NFIA: variants seen among roughly 807,000 people sequenced by gnomAD.
The protein encoded by NFIA is nuclear factor 1 A-type.
NFIA carries 8 observed loss-of-function variants against 62.8 expected under a neutral mutation model. The observed-to-expected ratio is 0.13, with a 90% CI of 0.07 to 0.23. NFIA has a LOEUF of 0.23. Among genes scored for constraint, NFIA ranks in the 10% least tolerant of loss-of-function variants. NFIA has a pLI of 1.00. For missense variants in NFIA, 410 were observed against 642.1 expected, an observed-to-expected ratio of 0.64 and a Z score of 3.91; for synonymous variants, 235 against 238.1, an observed-to-expected ratio of 0.99 and a Z score of 0.12.
chr1:61,213,932 T>C (rs551937771), intron 2 of NFIA, among the ~76,000 whole-genome samples: 22 of 152,228 alleles, frequency 1.4e-4, no homozygotes, highest in African/African-American at 4.8e-4. Flanking sequence ...GTTGTACTTT[T>C]CATGAGTAGC....
chr1:61,399,299 G>A (rs1044518889), intron 7 of NFIA, among the ~76,000 whole-genome samples: 18 of 152,212 alleles, frequency 1.2e-4, no homozygotes, highest in African/African-American at 4.8e-5. Flanking sequence ...GAAGAAGCCT[G>A]TATATAACAC....
At chr1:61,305,436 A>G (rs1570547976) in intron 3 of NFIA, among the ~76,000 whole-genome samples, 2 of 152,202 alleles carry the variant, frequency 1.3e-5, no homozygotes, top group Non-Finnish European at 2.9e-5. Flanking sequence ...TTTTATGAAC[A>G]GCAGAAAACA....
intron 2 of NFIA, among the ~76,000 whole-genome samples, chr1:61,108,980 G>T (rs1425422938): frequency 2.0e-5 from 3 of 151,766 alleles, no homozygotes; most frequent in Admixed American, 2.0e-4. Context: ...TCAGGGAAAA[G>T]AATTACCATA....
intron 2 of NFIA, among the ~76,000 whole-genome samples, chr1:61,148,899 G>A (rs1322693744): frequency 6.6e-6 from 1 of 152,068 alleles, no homozygotes; most frequent in African/African-American, 2.4e-5. Flanking sequence ...TAGAGACAGG[G>A]TCTTAATTTG....
intron 9 of NFIA, among the ~76,000 whole-genome samples, chr1:61,416,648 A>C (rs1666360487): frequency 6.6e-6 from 1 of 152,172 alleles, no homozygotes; most frequent in Non-Finnish European, 1.5e-5. Flanking sequence ...TTGGTGTTTA[A>C]ATTTTTTAAA....
rs1307569671 is a variant in NFIA, at chr1:61,083,717, C to T, written c.27+899C>T. 2.0e-5 allele frequency among the ~76,000 whole-genome samples: 3 copies of T among 151,428 alleles called. No homozygotes were observed. The East Asian group carries it at 5.8e-4, about 29-fold the overall frequency. On this transcript the variant is annotated intron_variant, in intron 1 of 10. Transcript: ENST00000403491. ...GCGCCGGGCAGAGTTGGGCTCCTAGCCGGGAGCCGGAGCGGCGGCCCGGGC... is the reference window on the plus strand; with the variant it reads ...GCGCCGGGCAGAGTTGGGCTCCTAGTCGGGAGCCGGAGCGGCGGCCCGGGC...
chr1:61,422,524 A>G (rs1228119182), intron 9 of NFIA, among the ~76,000 whole-genome samples: 1 of 152,076 alleles, frequency 6.6e-6, no homozygotes, highest in Admixed American at 6.5e-5. Context: ...AAAAAAGGAA[A>G]CCTACCACAG....
chr1:61,450,763 A>C lies in NFIA; in HGVS notation c.1513-4540A>C, dbSNP rs1668020404. On this transcript the variant is annotated intron_variant, in intron 10 of 10. Coordinates refer to ENST00000403491, the MANE Select transcript of NFIA (RefSeq NM_001134673.4). Reference sequence around the variant, plus strand: ...TTTTGTTTAAGTTTTTAATCTGAAAAACAGATTCTGCTGCATCACAGTCCA... The same window carrying C: ...TTTTGTTTAAGTTTTTAATCTGAAACACAGATTCTGCTGCATCACAGTCCA... Among the ~76,000 whole-genome samples, 3 of 152,146 alleles carry C rather than the reference A, an allele frequency of 2.0e-5. No homozygotes were observed. The South Asian group carries it at 6.2e-4, about 32-fold the overall frequency.
At chr1:61,332,793 A>G (rs1199774317) in intron 4 of NFIA, among the ~76,000 whole-genome samples, 2 of 152,212 alleles carry the variant, frequency 1.3e-5, no homozygotes, top group African/African-American at 4.8e-5. Flanking sequence ...TAAAAGAAAG[A>G]CCAAAATCCT....
chr1:61,385,965 G>A (rs1407405607), intron 7 of NFIA: 1 of 152,170 alleles, frequency 6.6e-6, no homozygotes, highest in African/African-American at 2.4e-5. Context: ...TAGTGGTCTG[G>A]TGAAGGGAAT....
At position 61,088,441 on chromosome 1, in the gene NFIA, A is replaced by G. The variant is rs748601434; in HGVS notation, c.320A>G (p.Asn107Ser). ...AAACCTCCATGTTGTGTTCTTTCCA[A>G]CCCAGACCAGAAAGGCAAGATGCGA... ...GKKPPCCVLSNPDQKGKMRRI... is the reference protein window; with the variant it reads ...GKKPPCCVLSSPDQKGKMRRI... Residue 107 changes from asparagine (N) to serine (S), a missense_variant, in exon 2 of 11, where the codon AAC becomes AGC. Asn to Ser is a conservative substitution (Grantham distance 46). This residue lies in a region of NFIA where 26 missense variants were observed against 79.4 expected (regional missense o/e 0.33). Coordinates refer to ENST00000403491, the MANE Select transcript of NFIA (RefSeq NM_001134673.4). The surrounding 1 kb of genome is among the most constrained non-coding windows in gnomAD (Gnocchi z 4.5). 2 of 1,614,016 alleles carry G rather than the reference A, an allele frequency of 1.2e-6. No individual in the cohort carries two copies. The highest frequency in any genetic ancestry group is 2.2e-5 in the East Asian group (1 of 44,842).
In NFIA at chr1:61,359,280, C is replaced by CA; in HGVS notation, c.946+7dup. On this transcript the variant is annotated splice_region_variant and intron_variant, in intron 6 of 10. Transcript: ENST00000403491. Reference sequence around the variant, plus strand: ...ATGGCATGAAGTGGAGCCAGGTAAGCAGAGTGGCGGCACGGGCATGTGGCT... The same window carrying CA: ...ATGGCATGAAGTGGAGCCAGGTAAGCAAGAGTGGCGGCACGGGCATGTGGCT... The CA allele has an allele frequency of 6.2e-7, 1 of 1,612,184 alleles. No homozygotes were observed.
At chr1:61,396,349 A>C (rs1665267888) in intron 7 of NFIA, among the ~76,000 whole-genome samples, 1 of 152,044 alleles carries the variant, frequency 6.6e-6, no homozygotes, top group South Asian at 2.1e-4. Flanking sequence ...GGGATTAAGC[A>C]ATCCTCCCAC....
chr1:61,146,611 G>T (rs899933524), intron 2 of NFIA, among the ~76,000 whole-genome samples: 13 of 152,144 alleles, frequency 8.5e-5, no homozygotes, highest in Non-Finnish European at 1.5e-5. Context: ...TCCTGGGCTT[G>T]TATAGTACTC....
intron 2 of NFIA, among the ~76,000 whole-genome samples, chr1:61,156,080 G>A (rs1648801217): frequency 6.6e-6 from 1 of 152,030 alleles, no homozygotes; most frequent in Admixed American, 6.5e-5. Flanking sequence ...GTTGCAGTGA[G>A]CTGAGATCAT....
intron 3 of NFIA, among the ~76,000 whole-genome samples, chr1:61,279,090 T>C (rs1657982662): frequency 6.6e-6 from 1 of 152,236 alleles, no homozygotes; most frequent in East Asian, 1.9e-4. Flanking sequence ...TCACCCACTT[T>C]GAATGACCCC....
chr1:61,188,312 C>T (rs1200976348), intron 2 of NFIA, among the ~76,000 whole-genome samples: 1 of 152,062 alleles, frequency 6.6e-6, no homozygotes, highest in Non-Finnish European at 1.5e-5. Context: ...AGAACATGAT[C>T]CCAGAAAGCA....
intron 2 of NFIA, among the ~76,000 whole-genome samples, chr1:61,244,245 T>G (rs1655513709): frequency 6.6e-6 from 1 of 152,180 alleles, no homozygotes; most frequent in Non-Finnish European, 1.5e-5. Flanking sequence ...ATAATTGTGG[T>G]GTTTTGTGGC....
At chr1:61,188,057 G>A (rs1651327144) in intron 2 of NFIA, among the ~76,000 whole-genome samples, 1 of 151,928 alleles carries the variant, frequency 6.6e-6, no homozygotes, top group African/African-American at 2.4e-5. Context: ...TTGTTTGTTT[G>A]TTTTTGTTGA....
Sources: allele counts gnomAD v4.1 joint callset (sites outside exome capture counted in the v4.1 genomes callset), GRCh38; gene constraint gnomAD v4.1.1; regional missense constraint gnomAD v4.1.1; non-coding constraint Gnocchi (gnomAD v3.1); transcripts MANE v1.5; gene names NCBI Gene and HGNC (gene_info 2026-07-23, HGNC 2026-07-21).